The following KIF1A variants were observed in gnomAD, a reference collection of about 807,000 sequenced individuals.
The protein encoded by KIF1A is kinesin family member 1A.
In KIF1A, 46 loss-of-function variants were observed where a neutral mutation model predicts 227.3. The ratio of observed to expected loss-of-function variants is 0.20; its 90% CI spans 0.16 to 0.26. The LOEUF is 0.26. Ranked by LOEUF, KIF1A falls within the 10% of genes least tolerant of loss-of-function variation. The pLI, the probability that KIF1A is intolerant of heterozygous loss-of-function variation, is 1.00. For synonymous variants in KIF1A, 1,022 were observed against 1,012.8 expected, an observed-to-expected ratio of 1.01 and a Z score of -0.17; for missense variants, 1,683 against 2,485.9, an observed-to-expected ratio of 0.68 and a Z score of 6.87.
At chr2:240,721,320 G>A (rs1027677472) in intron 44 of KIF1A, among the ~76,000 whole-genome samples, 14 of 152,352 alleles carry the variant, frequency 9.2e-5, no homozygotes, top group Admixed American at 3.3e-4. Flanking sequence ...CTGCCCTGCC[G>A]CCTCCTGCCC....
chr2:240,796,718 C>T (rs985207835), intron 2 of KIF1A, among the ~76,000 whole-genome samples: 2 of 152,170 alleles, frequency 1.3e-5, no homozygotes, highest in South Asian at 2.1e-4. Context: ...CAGAGCTCCA[C>T]GGGCTTCTGG....
At chr2:240,801,359 A>C (rs566681870) in intron 1 of KIF1A, among the ~76,000 whole-genome samples, 7 of 152,316 alleles carry the variant, frequency 4.6e-5, no homozygotes, top group African/African-American at 1.7e-4. Context: ...CAAAATACCT[A>C]AAATTAGGAA....
At chr2:240,751,212 C>T (rs374565600) in intron 27 of KIF1A, among the ~76,000 whole-genome samples, 1 of 152,172 alleles carries the variant, frequency 6.6e-6, no homozygotes, top group African/African-American at 2.4e-5. Context: ...TACCTACGGT[C>T]GCCAGATAGC....
At position 240,801,618 on chromosome 2, in the gene KIF1A, AC is replaced by A. The variant is rs772482047; in HGVS notation, c.-60-3807del. Among the ~76,000 whole-genome samples, 6 of 151,960 alleles carry A rather than the reference AC, an allele frequency of 3.9e-5. No homozygotes were observed. The East Asian group carries it at 1.2e-3, about 29-fold the overall frequency. On this transcript the variant is annotated intron_variant, in intron 1 of 48. Coordinates refer to ENST00000498729, the MANE Select transcript of KIF1A (RefSeq NM_001244008.2). ...TCCAAATTCTTATGTTGAAATCCTA[AC>A]CCCCCAAGTGATGACTTTAGTAAGT...
In KIF1A at chr2:240,740,539, G is replaced by A. The variant is rs2047833856; in HGVS notation, c.3750-175C>T. On this transcript the variant is annotated intron_variant, in intron 35 of 48. Transcript: ENST00000498729. The surrounding 1 kb of genome is among the most constrained non-coding windows in gnomAD (Gnocchi z 6.1). ...TCAGCTGAGCACAGAAACCCACCAG[G>A]CCTCCTTGGCTATCACCTCCCAGCC... 6.6e-6 allele frequency among the ~76,000 whole-genome samples: 1 copy of A among 152,080 alleles called. No individual in the cohort carries two copies. The highest frequency in any genetic ancestry group is 2.1e-4 in the South Asian group (1 of 4,830).
chr2:240,733,189 T>C (rs530456933), intron 38 of KIF1A, among the ~76,000 whole-genome samples: 28 of 152,120 alleles, frequency 1.8e-4, no homozygotes, highest in African/African-American at 6.5e-4. Context: ...TGGGTGAATG[T>C]TGCGGCCCCA....
At chr2:240,749,565 C>T (rs1362953723) in intron 28 of KIF1A, among the ~76,000 whole-genome samples, 3 of 152,192 alleles carry the variant, frequency 2.0e-5, no homozygotes, top group African/African-American at 7.2e-5. Context: ...TGGAGGAGCC[C>T]GGGGCAGGCA....
intron 1 of KIF1A, chr2:240,818,931 G>A (rs2058515922): frequency 6.6e-6 from 1 of 152,320 alleles, no homozygotes; most frequent in East Asian, 1.9e-4. Context: ...GACGCTTGGG[G>A]AAGGGGTCCT....
At position 240,788,292 on chromosome 2, in the gene KIF1A, A is replaced by G; in HGVS notation, c.184-62T>C. 1 of 1,515,866 alleles carries G rather than the reference A, an allele frequency of 6.6e-7. No individual in the cohort carries two copies. The highest frequency in any genetic ancestry group is 9.1e-7 in the Non-Finnish European group (1 of 1,099,952). 93.9% of individuals were successfully genotyped at this position (1,515,866 alleles called of 1,614,324 possible). A position where few individuals can be genotyped will look rare whatever the true frequency, so the allele number is the denominator to read the frequency against. ...GGGTGCATCCGAGGCTCAGCCCATC[A>G]TGTCTGCGGAGCCAGGGGATGCCCA... On this transcript the variant is annotated intron_variant, in intron 3 of 48. Transcript: ENST00000498729. The surrounding 1 kb of genome is among the most constrained non-coding windows in gnomAD (Gnocchi z 6.6).
At chr2:240,769,556 C>A in intron 16 of KIF1A, 71 bp downstream of exon 16, 1 of 1,314,546 alleles carries the variant, frequency 7.6e-7, no homozygotes. Flanking sequence ...GGGCTCAGTG[C>A]TCATCCTGCC....
intron 17 of KIF1A, among the ~76,000 whole-genome samples, chr2:240,768,461 GGT>G (rs2051487661): frequency 6.6e-6 from 1 of 152,246 alleles, no homozygotes; most frequent in Non-Finnish European, 1.5e-5. Context: ...TGGACACACA[GGT>G]GTCTGTCCCC....
At chr2:240,771,398 G>A (rs373307755) in intron 14 of KIF1A, 11 of 465,988 alleles carry the variant, frequency 2.4e-5, no homozygotes, top group East Asian at 4.3e-5. Context: ...GCACTTGCCC[G>A]CCTGCCCCCC....
chr2:240,723,265 C>T, intron 42 of KIF1A, 148 bp downstream of exon 42: 1 of 701,510 alleles, frequency 1.4e-6, no homozygotes, highest in Non-Finnish European at 2.4e-6. Context: ...TGGAGCATCA[C>T]ATGCTCCTCC....
rs766478769 is a variant in KIF1A, at chr2:240,789,208, C to A, written c.183+28G>T. 8 of 1,595,254 alleles carry A rather than the reference C, an allele frequency of 5.0e-6. No homozygotes were observed. The African/African-American group carries it at 1.1e-4, about 21-fold the overall frequency. ...CATGGCCTATGCACTGCTGCCCCCGCCTCCCCCGACCCGGGGTCCCGGCTT... is the reference window on the plus strand; with the variant it reads ...CATGGCCTATGCACTGCTGCCCCCGACTCCCCCGACCCGGGGTCCCGGCTT... On this transcript the variant is annotated intron_variant, in intron 3 of 48. Coordinates refer to ENST00000498729, the MANE Select transcript of KIF1A (RefSeq NM_001244008.2). The surrounding 1 kb of genome is among the most constrained non-coding windows in gnomAD (Gnocchi z 4.8).
In KIF1A at chr2:240,740,851, C is replaced by A. The variant is rs578139550; in HGVS notation, c.3749+418G>T. On this transcript the variant is annotated intron_variant, in intron 35 of 48. Transcript: ENST00000498729. This position sits in a 1 kb window ranked among gnomAD's most constrained non-coding sequence, Gnocchi z 6.1. ...TCCCAGCTGCCCCCAGGGCACCAGGCAGACCCCCACTGGCCTCCACCCTGG... is the reference window on the plus strand; with the variant it reads ...TCCCAGCTGCCCCCAGGGCACCAGGAAGACCCCCACTGGCCTCCACCCTGG... Among the ~76,000 whole-genome samples, 44 of 152,192 alleles carry A rather than the reference C, an allele frequency of 2.9e-4. 1 individual carries two copies. The South Asian group carries it at 9.1e-3, about 32-fold the overall frequency.
chr2:240,738,797 C>T (rs1448400430), intron 37 of KIF1A, among the ~76,000 whole-genome samples: 1 of 152,228 alleles, frequency 6.6e-6, no homozygotes, highest in Non-Finnish European at 1.5e-5. Flanking sequence ...GACCCAGGCC[C>T]GAAGGATGCG....
rs1200681943 is a variant in KIF1A, at chr2:240,739,923, G to C, written c.3901+135C>G. 6.0e-6 allele frequency: 4 copies of C among 666,586 alleles called. No homozygotes were observed. Among genetic ancestry groups the C allele is most frequent in the Non-Finnish European group, 1.1e-5 (4 of 373,996 alleles). 41.3% of individuals were successfully genotyped at this position (666,586 alleles called of 1,614,324 possible). On this transcript the variant is annotated intron_variant, in intron 37 of 48. Transcript: ENST00000498729. The surrounding 1 kb of genome is among the most constrained non-coding windows in gnomAD (Gnocchi z 5.6). ...CAGGTGAGGAAGTGAGTCACAGAGAGATTATGTGACCCGGCCAGGGTCACG... is the reference window on the plus strand; with the variant it reads ...CAGGTGAGGAAGTGAGTCACAGAGACATTATGTGACCCGGCCAGGGTCACG...
chr2:240,744,726 G>C (rs3772057), intron 32 of KIF1A, among the ~76,000 whole-genome samples: 92,076 of 152,114 alleles, frequency 0.61, 28,321 homozygotes, highest in African/African-American at 0.7. Flanking sequence ...CCTCCAGAGC[G>C]ATGGGAGGCC....
At position 240,790,475 on chromosome 2, in the gene KIF1A, C is replaced by T. The variant is rs902731847; in HGVS notation, c.107-1163G>A. Among the ~76,000 whole-genome samples, 7 of 152,110 alleles carry T rather than the reference C, an allele frequency of 4.6e-5. No homozygotes were observed. The highest frequency in any genetic ancestry group is 1.0e-4 in the Non-Finnish European group (7 of 68,024). ...ACAGCCTCCAGTATGCCCGCACCCT[C>T]CGTGCCAGCATGCACCCTGGGGACC... On this transcript the variant is annotated intron_variant, in intron 2 of 48. Coordinates refer to ENST00000498729, the MANE Select transcript of KIF1A (RefSeq NM_001244008.2). The surrounding 1 kb of genome is among the most constrained non-coding windows in gnomAD (Gnocchi z 5.0).
Sources: allele counts gnomAD v4.1 joint callset (sites outside exome capture counted in the v4.1 genomes callset), GRCh38; gene constraint gnomAD v4.1.1; non-coding constraint Gnocchi (gnomAD v3.1); transcripts MANE v1.5; gene names NCBI Gene and HGNC (gene_info 2026-07-23, HGNC 2026-07-21).